BTBD9: variants seen among roughly 807,000 people sequenced by gnomAD.
The protein encoded by BTBD9 is BTB/POZ domain-containing protein 9.
A neutral mutation model predicts 64.3 loss-of-function variants in BTBD9; 49 were observed. The ratio of observed to expected loss-of-function variants is 0.76; its 90% CI spans 0.61 to 0.97. The LOEUF (loss-of-function observed/expected upper bound fraction) is 0.97, where lower values mean the gene tolerates loss of function less well. Among genes scored for constraint, BTBD9 ranks in the 50% least tolerant of loss-of-function variants. The pLI, the probability that BTBD9 is intolerant of heterozygous loss-of-function variation, is 0.00. For missense variants in BTBD9, 598 were observed against 762.1 expected (o/e 0.78, Z 2.53); for synonymous variants, 260 against 274.7 (o/e 0.95, Z 0.53).
rs767584421 is a variant in BTBD9 at position 38,627,113 on chromosome 6, G to A, written c.-28+12687C>T. 2.0e-5 allele frequency among the ~76,000 whole-genome samples: 3 copies of A among 152,274 alleles called. 1 individual carries two copies. Among genetic ancestry groups the A allele is most frequent in the Middle Eastern group, 3.4e-3 (1 of 292 alleles). ...TTATTACCACTTTAAAGCAGCAAAT[G>A]AACTATCTGAGAGAACTTCACCAAC... On this transcript the variant is annotated intron_variant, in intron 1 of 10. Transcript: ENST00000481247.
chr6:38,488,866 T>C (rs1289483637), intron 6 of BTBD9, among the ~76,000 whole-genome samples: 1 of 150,376 alleles, frequency 6.6e-6, no homozygotes, highest in Non-Finnish European at 1.5e-5. Flanking sequence ...TAATAAAATA[T>C]TTTCAACATT....
chr6:38,461,546 C>T (rs184600436), intron 6 of BTBD9, among the ~76,000 whole-genome samples: 45 of 152,230 alleles, frequency 3.0e-4, no homozygotes, highest in African/African-American at 1.0e-3. Context: ...TAAATTAAAA[C>T]ACAATTCGTT....
chr6:38,511,758 GA>G lies in BTBD9; in HGVS notation c.1154+65841del, dbSNP rs1354370110. Among the ~76,000 whole-genome samples the G allele has an allele frequency of 3.9e-5, 6 of 152,204 alleles. No individual in the cohort carries two copies. The East Asian group carries it at 1.2e-3, about 29-fold the overall frequency. ...ATATATTTGGGTCATTTTTCTCACA[GA>G]TATGGAAAAGTTTCACATGGAAAGG... On this transcript the variant is annotated intron_variant, in intron 6 of 10. Transcript: ENST00000481247.
intron 9 of BTBD9, among the ~76,000 whole-genome samples, chr6:38,204,950 C>A (rs1762583587): frequency 6.6e-6 from 1 of 152,046 alleles, no homozygotes; most frequent in Admixed American, 6.6e-5. Context: ...CAAGAAAGTG[C>A]TCTTGTAAAT....
chr6:38,205,893 A>AAAAAAAAAAAAC (rs1561871114), intron 9 of BTBD9, among the ~76,000 whole-genome samples: 1 of 143,830 alleles, frequency 7.0e-6, no homozygotes, highest in East Asian at 2.0e-4. Context: ...AAAAAAAAAG[A>AAAAAAAAAAAAC]AAGAAAGAAA....
intron 6 of BTBD9, among the ~76,000 whole-genome samples, chr6:38,489,084 T>C (rs983741278): frequency 1.3e-5 from 2 of 151,992 alleles, no homozygotes; most frequent in South Asian, 2.1e-4. Flanking sequence ...TTTGTAGAGA[T>C]AGGGTTTCAC....
intron 6 of BTBD9, chr6:38,504,593 T>C (rs1366850797): frequency 4.4e-6 from 2 of 456,524 alleles, no homozygotes; most frequent in Admixed American, 4.7e-5. Flanking sequence ...TTTTTAGGCT[T>C]TGGGGGAAGT....
intron 6 of BTBD9, among the ~76,000 whole-genome samples, chr6:38,420,793 T>C (rs1197441200): frequency 6.6e-6 from 1 of 151,808 alleles, no homozygotes; most frequent in African/African-American, 2.4e-5. Flanking sequence ...GAGGCAGAGG[T>C]TTCAGTGAGC....
At chr6:38,471,383 A>C (rs1024327117) in intron 6 of BTBD9, among the ~76,000 whole-genome samples, 3 of 152,206 alleles carry the variant, frequency 2.0e-5, no homozygotes, top group African/African-American at 4.8e-5. Flanking sequence ...GCCTCACCCA[A>C]GGAATCCGAC....
intron 6 of BTBD9, among the ~76,000 whole-genome samples, chr6:38,505,036 A>C (rs1426834914): frequency 6.6e-6 from 1 of 152,154 alleles, no homozygotes; most frequent in East Asian, 1.9e-4. Context: ...TTATTCCTTC[A>C]TTCCTGAAGC....
intron 6 of BTBD9, among the ~76,000 whole-genome samples, chr6:38,447,312 A>AT (rs913717937): frequency 6.6e-6 from 1 of 152,204 alleles, no homozygotes. Context: ...TCGGCTGTCA[A>AT]TTTTGGGATC....
At chr6:38,335,669 G>A (rs1006887940) in intron 7 of BTBD9, among the ~76,000 whole-genome samples, 3 of 151,916 alleles carry the variant, frequency 2.0e-5, no homozygotes, top group East Asian at 1.9e-4. Flanking sequence ...AGGTTCAAGC[G>A]ATTCTCCTGC....
At chr6:38,375,930 A>AGAAAGAAAG (rs1765669170) in intron 6 of BTBD9, among the ~76,000 whole-genome samples, 1 of 143,186 alleles carries the variant, frequency 7.0e-6, no homozygotes, top group Non-Finnish European at 1.5e-5. Flanking sequence ...AAAGAAAGAA[A>AGAAAGAAAG]GAAAGAAAGA....
At position 38,176,122 on chromosome 6, in the gene BTBD9, G is replaced by A. The variant is rs547953795; in HGVS notation, c.1642-940C>T. Among the ~76,000 whole-genome samples the A allele has an allele frequency of 2.0e-5, 3 of 152,290 alleles. No individual in the cohort carries two copies. The South Asian group carries it at 6.2e-4, about 32-fold the overall frequency. ...TGGAGAGTAGACAACGTGCTTCGGGGGGTCCTGACATGCATGTGTGAGCTG... is the reference window on the plus strand; with the variant it reads ...TGGAGAGTAGACAACGTGCTTCGGGAGGTCCTGACATGCATGTGTGAGCTG... On this transcript the variant is annotated intron_variant, in intron 10 of 10. Coordinates refer to ENST00000481247, the MANE Select transcript of BTBD9 (RefSeq NM_001099272.2).
At chr6:38,612,589 T>C (rs1777646340) in intron 1 of BTBD9, among the ~76,000 whole-genome samples, 1 of 152,168 alleles carries the variant, frequency 6.6e-6, no homozygotes, top group Non-Finnish European at 1.5e-5. Context: ...AGTCCACAAA[T>C]GCCTATTTAT....
At chr6:38,579,890 A>G (rs1776212034) in intron 5 of BTBD9, among the ~76,000 whole-genome samples, 1 of 152,212 alleles carries the variant, frequency 6.6e-6, no homozygotes. Flanking sequence ...GTATGTGTCC[A>G]TGCATAATTG....
rs3047794 is a variant in BTBD9 at position 38,571,974 on chromosome 6, T to TCACACA, written c.1154+5620_1154+5625dup. 3.1e-3 allele frequency among the ~76,000 whole-genome samples: 453 copies of TCACACA among 148,076 alleles called. 1 individual carries two copies. Among genetic ancestry groups the TCACACA allele is most frequent in the African/African-American group, 5.3e-3 (212 of 40,314 alleles). On this transcript the variant is annotated intron_variant, in intron 6 of 10. Coordinates refer to ENST00000481247, the MANE Select transcript of BTBD9 (RefSeq NM_001099272.2). ...GCCCATCTAAAAAACAAAGAAACAA[T>TCACACA]CACACACACACACACACACACAAAA...
At chr6:38,393,229 G>A (rs1208271974) in intron 6 of BTBD9, among the ~76,000 whole-genome samples, 3 of 152,208 alleles carry the variant, frequency 2.0e-5, no homozygotes, top group Non-Finnish European at 4.4e-5. Context: ...AAAAGAATAA[G>A]AGGAACATGT....
intron 6 of BTBD9, among the ~76,000 whole-genome samples, chr6:38,514,060 TGAA>T (rs1282009451): frequency 1.3e-5 from 2 of 152,172 alleles, no homozygotes; most frequent in Admixed American, 1.3e-4. Flanking sequence ...GGATTAAACA[TGAA>T]GAAGAAGAGC....
Sources: gnomAD v4.1 joint callset for allele counts (sites outside exome capture counted in the v4.1 genomes callset) on GRCh38, gnomAD v4.1.1 for gene constraint, MANE v1.5 for transcripts, NCBI Gene and HGNC (gene_info 2026-07-23, HGNC 2026-07-21) for gene names.